Variants in HAVCR1 observed in about 807,000 individuals in gnomAD.
The protein encoded by HAVCR1 is hepatitis A virus cellular receptor 1.
HAVCR1 carries 34 observed loss-of-function variants against 32.0 expected under a neutral mutation model. That is an observed-to-expected ratio of 1.06 (90% CI 0.81 to 1.42). HAVCR1 has a LOEUF of 1.42. HAVCR1 is among the 40% of genes most tolerant of loss of function. The pLI, the probability that HAVCR1 is intolerant of heterozygous loss-of-function variation, is 0.00. For missense variants in HAVCR1, 420 were observed against 442.3 expected (o/e 0.95, Z 0.45); for synonymous variants, 178 against 170.3 (o/e 1.05, Z -0.35).
intron 2 of HAVCR1, among the ~76,000 whole-genome samples, chr5:157,055,902 T>C (rs1756103998): frequency 6.6e-6 from 1 of 151,742 alleles, no homozygotes; most frequent in African/African-American, 2.4e-5. Context: ...TTTTTTTTAC[T>C]TGTTTTACTT....
At chr5:157,035,423 A>G (rs529883596) in intron 7 of HAVCR1, among the ~76,000 whole-genome samples, 10 of 152,288 alleles carry the variant, frequency 6.6e-5, no homozygotes, top group South Asian at 4.1e-4. Context: ...GGGTTCTTTT[A>G]TGGGAGGCAG....
At chr5:157,044,057 C>T (rs889652686) in intron 5 of HAVCR1, among the ~76,000 whole-genome samples, 1 of 152,082 alleles carries the variant, frequency 6.6e-6, no homozygotes, top group Non-Finnish European at 1.5e-5. Context: ...CAAGGCCAGG[C>T]ACAGTGGCTC....
Position 157,037,343 on chromosome 5 carries a change from T to G in HAVCR1, c.856A>C (p.Ser286Arg). The G allele has an allele frequency of 6.5e-7, 1 of 1,534,838 alleles. No individual in the cohort carries two copies. Among genetic ancestry groups the G allele is most frequent in the Non-Finnish European group, 9.0e-7 (1 of 1,107,820 alleles). ...NNQTQLFLEH[S>R]LLTANTTKGI... ...TTAGTGGTATTGGCCGTCAGTAGAC[T>G]ATGTTCTAGGAACAGTTGCTGAGGA... The change falls in exon 7 of 9, where the codon AGT becomes CGT. Residue 286 changes from serine to arginine, a missense_variant. By Grantham distance (110) the Ser-to-Arg change is moderately radical. Transcript: ENST00000523175.
chr5:157,050,154 T>C (rs1458104283), intron 4 of HAVCR1, among the ~76,000 whole-genome samples: 1 of 152,200 alleles, frequency 6.6e-6, no homozygotes, highest in African/African-American at 2.4e-5. Flanking sequence ...TCAACATCGC[T>C]CTTTCTCCTG....
intron 8 of HAVCR1, 93 bp from the exon 9 acceptor site, chr5:157,029,934 T>C: frequency 2.0e-6 from 2 of 1,010,154 alleles, no homozygotes; most frequent in Non-Finnish European, 2.9e-6. Flanking sequence ...GATCAGGCAA[T>C]ATCAGGTATT....
chr5:157,041,235 C>T (rs1000936540), intron 6 of HAVCR1, among the ~76,000 whole-genome samples: 8 of 152,064 alleles, frequency 5.3e-5, no homozygotes, highest in South Asian at 2.1e-4. Context: ...CGGTGGCTCA[C>T]GCCTGTAATT....
At chr5:157,055,601 C>T in intron 2 of HAVCR1, 68 bp from the exon 3 acceptor site, 6 of 993,226 alleles carry the variant, frequency 6.0e-6, no homozygotes, top group Non-Finnish European at 7.5e-6. Context: ...CACAATGGCT[C>T]ACGCCTGTAA....
At chr5:157,063,102 A>G (rs2113664250), upstream of HAVCR1, among the ~76,000 whole-genome samples, 1 of 146,948 alleles carries the variant, frequency 6.8e-6, no homozygotes, top group East Asian at 2.1e-4. Flanking sequence ...AGCCTGGGTG[A>G]CAGAGCGAGA....
At chr5:157,034,693 C>T (rs1754422805) in intron 7 of HAVCR1, among the ~76,000 whole-genome samples, 1 of 152,182 alleles carries the variant, frequency 6.6e-6, no homozygotes, top group East Asian at 1.9e-4. Flanking sequence ...CTGAGGCCTT[C>T]CGCAGTGCAT....
intron 6 of HAVCR1, among the ~76,000 whole-genome samples, chr5:157,039,016 G>T (rs1291193218): frequency 6.6e-6 from 1 of 152,098 alleles, no homozygotes; most frequent in Non-Finnish European, 1.5e-5. Flanking sequence ...CTACTTGGGA[G>T]GCTTGGGGTG....
At chr5:157,047,532 G>A (rs977735262) in intron 5 of HAVCR1, among the ~76,000 whole-genome samples, 2 of 149,248 alleles carry the variant, frequency 1.3e-5, no homozygotes, top group African/African-American at 4.9e-5. Context: ...CCTGGGTGAT[G>A]ACAGAGCAAG....
intron 8 of HAVCR1, 26 bp from the exon 9 acceptor site, chr5:157,029,867 A>G: frequency 6.2e-7 from 1 of 1,600,134 alleles, no homozygotes; most frequent in South Asian, 1.1e-5. Context: ...TTGAAGAATA[A>G]CATGAGTAAG....
At chr5:157,054,330 T>C (rs1390902321) in intron 3 of HAVCR1, among the ~76,000 whole-genome samples, 1 of 150,644 alleles carries the variant, frequency 6.6e-6, no homozygotes, top group Non-Finnish European at 1.5e-5. Context: ...TGAAACCCCA[T>C]CTCTACTAAC....
chr5:157,049,014 C>A (rs763359275), intron 5 of HAVCR1, 24 bp downstream of exon 5: 6 of 1,317,804 alleles, frequency 4.6e-6, no homozygotes, highest in African/African-American at 4.3e-5. Context: ...GATCCCAGGT[C>A]TTCAGGAAAG....
chr5:157,057,314 T>C (rs1387978039), intron 2 of HAVCR1, among the ~76,000 whole-genome samples: 2 of 140,746 alleles, frequency 1.4e-5, no homozygotes, highest in African/African-American at 5.4e-5. Flanking sequence ...AGACTCTGTC[T>C]CAAAAAAAAA....
chr5:157,056,582 A>G (rs375772845), intron 2 of HAVCR1, among the ~76,000 whole-genome samples: 173 of 151,288 alleles, frequency 1.1e-3, no homozygotes, highest in East Asian at 6.4e-3. Context: ...GGGTTTCACC[A>G]TGTTAGCCAG....
chr5:157,033,899 G>A (rs1754331695), intron 7 of HAVCR1, among the ~76,000 whole-genome samples: 1 of 152,014 alleles, frequency 6.6e-6, no homozygotes, highest in African/African-American at 2.4e-5. Context: ...CTAAAAACAC[G>A]AAAATCATTC....
chr5:157,044,615 G>GAAAGAAAGAAAGAAAGAAAGAAAGAGAA (rs760337335), intron 5 of HAVCR1, among the ~76,000 whole-genome samples: 6 of 52,720 alleles, frequency 1.1e-4, no homozygotes, highest in Middle Eastern at 0.01. Context: ...AAGAAAGAAA[G>GAAAGAAAGAAAGAAAGAAAGAAAGAGAA]AGAAAGAAAG....
the HAVCR1 span, among the ~76,000 whole-genome samples, chr5:157,064,339 CA>C: frequency 0.039 from 2,478 of 63,374 alleles, 73 homozygotes; most frequent in African/African-American, 0.11. Flanking sequence ...CCTGTCTCTA[CA>C]AAAAAAAAAA....
Sources: gnomAD v4.1 joint callset for allele counts (sites outside exome capture counted in the v4.1 genomes callset) on GRCh38, gnomAD v4.1.1 for gene constraint, MANE v1.5 for transcripts, NCBI Gene and HGNC (gene_info 2026-07-23, HGNC 2026-07-21) for gene names.